Variants in BCAR3 observed in about 807,000 individuals in gnomAD.
BCAR3 encodes BCAR3 adaptor protein, NSP family member.
In BCAR3, 37 loss-of-function variants were observed where a neutral mutation model predicts 80.1. The ratio of observed to expected loss-of-function variants is 0.46; its 90% CI spans 0.36 to 0.61. The LOEUF (loss-of-function observed/expected upper bound fraction) is 0.61. Ranked by LOEUF, BCAR3 falls within the 20% of genes least tolerant of loss-of-function variation. The pLI is 0.00. For missense variants in BCAR3, 978 were observed against 1,068.2 expected, an observed-to-expected ratio of 0.92 and a Z score of 1.18; for synonymous variants, 389 against 418.9, an observed-to-expected ratio of 0.93 and a Z score of 0.87.
At chr1:93,804,326 ATTATGCATACC>A (rs1297355506) in intron 2 of BCAR3, among the ~76,000 whole-genome samples, 2 of 152,212 alleles carry the variant, frequency 1.3e-5, no homozygotes, top group African/African-American at 4.8e-5. Flanking sequence ...TGAGATAGGT[ATTATGCATACC>A]TATGATAAAG....
chr1:93,735,721 T>C (rs1481580003), intron 2 of BCAR3, among the ~76,000 whole-genome samples: 3 of 152,238 alleles, frequency 2.0e-5, no homozygotes, highest in Non-Finnish European at 4.4e-5. Flanking sequence ...CATAAAGTGG[T>C]CTTGAGATAA....
At chr1:93,673,270 G>C (rs980918124) in intron 2 of BCAR3, among the ~76,000 whole-genome samples, 2 of 152,180 alleles carry the variant, frequency 1.3e-5, no homozygotes, top group African/African-American at 4.8e-5. Context: ...TGCTTCAGAT[G>C]CTCCACTGCT....
rs1328647919 is a variant in BCAR3 at position 93,582,528 on chromosome 1, A to G, written c.1459T>C (p.Trp487Arg). ...TCCATCTGAGCTGCCGCAGGTTCCC[A>G]AGGTCTTTCCCTGTCATCATCATCA... ...ILDDDDRERP[W>R]EPAAAQMEKG... The change falls in exon 7 of 12, where the codon TGG (tryptophan) becomes CGG (arginine). Residue 487 changes from tryptophan (W) to arginine (R), a missense_variant. Trp to Arg is a moderately radical substitution (Grantham distance 101). Coordinates refer to ENST00000260502, the MANE Select transcript of BCAR3 (RefSeq NM_003567.4). 1 of 1,613,640 alleles carries G rather than the reference A, an allele frequency of 6.2e-7. No individual in the cohort carries two copies. The highest frequency in any genetic ancestry group is 8.5e-7 in the Non-Finnish European group (1 of 1,179,898).
chr1:93,634,603 G>A (rs1047880854), intron 3 of BCAR3, among the ~76,000 whole-genome samples: 15 of 152,004 alleles, frequency 9.9e-5, no homozygotes, highest in African/African-American at 3.6e-4. Flanking sequence ...GCTGAGGGAG[G>A]AGAATTGCTT....
At chr1:93,567,253 A>T in intron 11 of BCAR3, 26 bp downstream of exon 11, 1 of 1,610,484 alleles carries the variant, frequency 6.2e-7, no homozygotes. Context: ...AGTGTTAGAG[A>T]ACAGCTTACA....
chr1:93,571,539 C>T (rs1297750405), intron 9 of BCAR3, 131 bp downstream of exon 9: 13 of 1,182,292 alleles, frequency 1.1e-5, no homozygotes, highest in Admixed American at 2.0e-5. Context: ...GGACACTGTC[C>T]CCTAAATGAA....
At chr1:93,717,761 C>T (rs554195584) in intron 2 of BCAR3, among the ~76,000 whole-genome samples, 50 of 150,980 alleles carry the variant, frequency 3.3e-4, no homozygotes, top group African/African-American at 1.1e-3. Flanking sequence ...GAGAACTGTG[C>T]GCAACCAGAT....
chr1:93,652,096 A>G (rs968213307), intron 2 of BCAR3, among the ~76,000 whole-genome samples: 2 of 152,212 alleles, frequency 1.3e-5, no homozygotes, highest in Non-Finnish European at 2.9e-5. Flanking sequence ...CGAGAAAAGG[A>G]TAAGACTAAA....
intron 1 of BCAR3, among the ~76,000 whole-genome samples, chr1:93,676,931 C>G (rs950703120): frequency 4.6e-5 from 7 of 152,248 alleles, no homozygotes; most frequent in African/African-American, 1.7e-4. Context: ...CCAAGATCTA[C>G]TTAGACTTCA....
chr1:93,757,102 G>T (rs1443198288), intron 2 of BCAR3, among the ~76,000 whole-genome samples: 1 of 152,180 alleles, frequency 6.6e-6, no homozygotes, highest in African/African-American at 2.4e-5. Flanking sequence ...TCTGTTCTGG[G>T]TCTGATGGGC....
chr1:93,629,533 C>T (rs1183654010), intron 3 of BCAR3, among the ~76,000 whole-genome samples: 1 of 152,184 alleles, frequency 6.6e-6, no homozygotes, highest in Non-Finnish European at 1.5e-5. Flanking sequence ...ATTGTAAACA[C>T]AGCTCTTCTT....
chr1:93,760,363 AG>A (rs1488679671), intron 2 of BCAR3, among the ~76,000 whole-genome samples: 2 of 152,128 alleles, frequency 1.3e-5, no homozygotes, highest in Admixed American at 1.3e-4. Flanking sequence ...AAGGCGATAA[AG>A]GTCTGACTTC....
Position 93,586,393 on chromosome 1 carries a change from T to C in BCAR3, c.930-2272A>G, listed in dbSNP as rs1411281679. 6.6e-6 allele frequency among the ~76,000 whole-genome samples: 1 copy of C among 152,256 alleles called. No homozygotes were observed. Among genetic ancestry groups the C allele is most frequent in the African/African-American group, 2.4e-5 (1 of 41,470 alleles). ...TGCAAATAACAGGATCTCATTGTTT[T>C]TATGGCTGAATAGTACTCCACTGTG... On this transcript the variant is annotated intron_variant, in intron 5 of 11. Coordinates refer to ENST00000260502, the MANE Select transcript of BCAR3 (RefSeq NM_003567.4). The surrounding 1 kb of genome is among the most constrained non-coding windows in gnomAD (Gnocchi z 4.2).
intron 1 of BCAR3, among the ~76,000 whole-genome samples, chr1:93,680,264 G>A (rs892113152): frequency 6.6e-6 from 1 of 152,214 alleles, no homozygotes; most frequent in African/African-American, 2.4e-5. Context: ...ATGAACAGGA[G>A]ATTTAGACCT....
Position 93,800,725 on chromosome 1 carries a change from A to G in BCAR3, c.-63+44842T>C, listed in dbSNP as rs910622096. On this transcript the variant is annotated intron_variant, in intron 2 of 13. Transcript: ENST00000370244. ...TCAATCCTCTTTCAGTTATTTTTTT[A>G]AAATATTTTTCTTCTTTCTGAAAAA... 3.3e-5 allele frequency among the ~76,000 whole-genome samples: 5 copies of G among 152,128 alleles called. No individual in the cohort carries two copies. In the South Asian group the frequency reaches 8.3e-4, roughly 25 times the overall value.
At chr1:93,655,219 AG>A (rs1489407103) in intron 2 of BCAR3, among the ~76,000 whole-genome samples, 1 of 152,214 alleles carries the variant, frequency 6.6e-6, no homozygotes, top group African/African-American at 2.4e-5. Context: ...GATTTATTGA[AG>A]GATCTTAAGC....
chr1:93,778,434 G>T (rs764537738), intron 2 of BCAR3, among the ~76,000 whole-genome samples: 3 of 151,782 alleles, frequency 2.0e-5, no homozygotes, highest in Non-Finnish European at 4.4e-5. Flanking sequence ...TTACTTATTT[G>T]CTCTATCCTA....
At chr1:93,623,086 G>T (rs1047008328) in intron 3 of BCAR3, among the ~76,000 whole-genome samples, 7 of 152,114 alleles carry the variant, frequency 4.6e-5, no homozygotes, top group Admixed American at 1.3e-4. Flanking sequence ...TAACTTCTCT[G>T]TAACAGTAGC....
chr1:93,822,635 A>G (rs1654267993), intron 2 of BCAR3, among the ~76,000 whole-genome samples: 1 of 152,190 alleles, frequency 6.6e-6, no homozygotes, highest in Admixed American at 6.5e-5. Flanking sequence ...CACCATGCCC[A>G]GCCAGCAATA....
Sources: gnomAD v4.1 joint callset for allele counts (sites outside exome capture counted in the v4.1 genomes callset) on GRCh38, gnomAD v4.1.1 for gene constraint, Gnocchi (gnomAD v3.1) non-coding constraint, MANE v1.5 for transcripts, NCBI Gene and HGNC (gene_info 2026-07-23, HGNC 2026-07-21) for gene names.